The following FNBP4 variants were observed in gnomAD, a reference collection of about 807,000 sequenced individuals.
FNBP4 encodes formin binding protein 4, also known as formin-binding protein 4.
FNBP4 carries 34 observed loss-of-function variants against 119.3 expected under a neutral mutation model. The ratio of observed to expected loss-of-function variants is 0.28; its 90% CI spans 0.22 to 0.38. FNBP4 has a LOEUF of 0.38. Among genes scored for constraint, FNBP4 ranks in the 10% least tolerant of loss-of-function variants. The pLI is 1.00. For missense variants in FNBP4, 1,112 were observed against 1,228.9 expected, an observed-to-expected ratio of 0.90 and a Z score of 1.42; for synonymous variants, 462 against 430.6, an observed-to-expected ratio of 1.07 and a Z score of -0.90.
rs562514034 is a variant in FNBP4, at chr11:47,723,057, T to A, written c.2724A>T (p.Pro908=). 4.8e-4 allele frequency: 764 copies of A among 1,585,026 alleles called. 5 individuals carry two copies. The East Asian group carries it at 0.011, about 22-fold the overall frequency. The change falls in exon 15 of 17, where the codon CCA becomes CCT. Residue 908 remains proline (P), a synonymous_variant. Transcript: ENST00000263773. ...GTGGTGGAGGAGGAGGAGGAGGAGGTGGTGGTGGTGGTTCTATAATGGTAG... is the reference window on the plus strand; with the variant it reads ...GTGGTGGAGGAGGAGGAGGAGGAGGAGGTGGTGGTGGTTCTATAATGGTAG... The part of the protein sequence containing the change: ...PTATIIEPPP[P]PPPPPPPPPP...
chr11:47,729,042 G>T (rs2097564459), intron 12 of FNBP4: 9 of 402,898 alleles, frequency 2.2e-5, no homozygotes, highest in Non-Finnish European at 3.0e-5. Context: ...AGTAGAGGCA[G>T]GGTTTCACCA....
At position 47,716,908 on chromosome 11, in the gene FNBP4, G is replaced by C. The variant is rs767679403; in HGVS notation, c.*514C>G. The C allele has an allele frequency of 6.5e-6, 1 of 152,684 alleles. No homozygotes were observed. Among genetic ancestry groups the C allele is most frequent in the Non-Finnish European group, 1.5e-5 (1 of 68,182 alleles). The allele number at this position is 152,684 out of a possible 1,614,324, so 9.5% of individuals were successfully genotyped here. Reference sequence around the variant, plus strand: ...GAGCTACCAGTTCTAGAACTTATGAGAACTACTCTAAAGAGTGTGGCCATC... The same window carrying C: ...GAGCTACCAGTTCTAGAACTTATGACAACTACTCTAAAGAGTGTGGCCATC... On this transcript the variant is annotated 3_prime_UTR_variant, in exon 17 of 17. Transcript: ENST00000263773.
intron 2 of FNBP4, among the ~76,000 whole-genome samples, chr11:47,760,988 C>T (rs2097633093): frequency 6.6e-6 from 1 of 152,124 alleles, no homozygotes; most frequent in African/African-American, 2.4e-5. Flanking sequence ...TTGCTCAAAG[C>T]TTCTGGTGGC....
At chr11:47,744,215 T>C in intron 7 of FNBP4, 52 bp from the exon 8 acceptor site, 3 of 1,385,552 alleles carry the variant, frequency 2.2e-6, no homozygotes, top group Non-Finnish European at 3.1e-6. Flanking sequence ...TATTAATATG[T>C]ATAATCAGAA....
At chr11:47,733,716 C>T (rs931248453) in intron 10 of FNBP4, among the ~76,000 whole-genome samples, 1 of 152,132 alleles carries the variant, frequency 6.6e-6, no homozygotes, top group African/African-American at 2.4e-5. Context: ...GTAAAGTATG[C>T]AGGTTACAAA....
chr11:47,747,821 G>A (rs190934903), intron 6 of FNBP4, among the ~76,000 whole-genome samples: 58 of 152,160 alleles, frequency 3.8e-4, no homozygotes, highest in African/African-American at 1.3e-3. Context: ...GGCGGCGTGC[G>A]CCTGTAATCC....
intron 4 of FNBP4, 102 bp downstream of exon 4, chr11:47,752,814 A>AAAAT: frequency 9.9e-7 from 1 of 1,010,142 alleles, no homozygotes; most frequent in Non-Finnish European, 1.5e-6. Flanking sequence ...ATTCCATCTC[A>AAAAT]AAACAAACAA....
chr11:47,742,450 G>A (rs1186501677), intron 8 of FNBP4, among the ~76,000 whole-genome samples: 1 of 114,348 alleles, frequency 8.7e-6, no homozygotes, highest in Non-Finnish European at 1.7e-5. Context: ...TGCACTCCAG[G>A]CTGGGGGACA....
At chr11:47,729,514 C>T (rs2097565027) in intron 12 of FNBP4, 8 of 985,184 alleles carry the variant, frequency 8.1e-6, no homozygotes, top group South Asian at 9.4e-5. Flanking sequence ...CCCCTTCCCC[C>T]ACTTTATTTT....
intron 8 of FNBP4, 113 bp from the exon 9 acceptor site, chr11:47,736,853 C>A (rs2097574868): frequency 2.0e-6 from 2 of 1,002,704 alleles, no homozygotes; most frequent in Admixed American, 2.7e-5. Context: ...TCTCTCTTGC[C>A]TGTTTTACTT....
intron 14 of FNBP4, among the ~76,000 whole-genome samples, chr11:47,723,546 G>C (rs1413461166): frequency 6.6e-6 from 1 of 152,092 alleles, no homozygotes; most frequent in Non-Finnish European, 1.5e-5. Flanking sequence ...AGACAATCTG[G>C]AAGCATATGT....
At chr11:47,729,121 G>A in intron 12 of FNBP4, 1 of 975,940 alleles carries the variant, frequency 1.0e-6, no homozygotes, top group Non-Finnish European at 1.2e-6. Context: ...CAAAGTATTG[G>A]GATTACAGGC....
intron 2 of FNBP4, among the ~76,000 whole-genome samples, chr11:47,755,800 A>C (rs1008786420): frequency 1.6e-4 from 25 of 152,068 alleles, no homozygotes; most frequent in Admixed American, 3.3e-4. Context: ...GTCTCCAAAA[A>C]AAAAACAAAA....
At position 47,716,655 on chromosome 11, in the gene FNBP4, G is replaced by C. The variant is rs1232487532; in HGVS notation, c.*767C>G. 6.6e-6 allele frequency: 1 copy of C among 152,596 alleles called. No individual in the cohort carries two copies. The highest frequency in any genetic ancestry group is 1.9e-4 in the East Asian group (1 of 5,200). The allele number at this position is 152,596 out of a possible 1,614,324, so 9.5% of individuals were successfully genotyped here. A position where few individuals can be genotyped will look rare whatever the true frequency, so the allele number is the denominator to read the frequency against. ...ACTTTTACCTGATTGTGATACAACA[G>C]AAAGTACAGAACAGTAAACTGCTTT... On this transcript the variant is annotated 3_prime_UTR_variant, in exon 17 of 17. Coordinates refer to ENST00000263773, the MANE Select transcript of FNBP4 (RefSeq NM_015308.5).
chr11:47,742,895 A>C (rs1003013432), intron 8 of FNBP4, among the ~76,000 whole-genome samples: 2 of 152,156 alleles, frequency 1.3e-5, no homozygotes, highest in South Asian at 4.1e-4. Flanking sequence ...CGTCTCAAAA[A>C]ATATAAATAA....
At chr11:47,734,215 A>AAT in intron 9 of FNBP4, 86 bp from the exon 10 acceptor site, 1 of 677,488 alleles carries the variant, frequency 1.5e-6, no homozygotes, top group Non-Finnish European at 2.4e-6. Context: ...TCTTATAGAT[A>AAT]TTAGAAATAT....
intron 8 of FNBP4, 139 bp downstream of exon 8, chr11:47,743,814 G>T: frequency 1.3e-6 from 1 of 746,470 alleles, no homozygotes; most frequent in Non-Finnish European, 2.2e-6. Flanking sequence ...AGAGGTGGAT[G>T]GAAGCTTCCT....
intron 7 of FNBP4, among the ~76,000 whole-genome samples, chr11:47,744,626 A>G (rs956116103): frequency 1.3e-5 from 2 of 152,088 alleles, no homozygotes; most frequent in South Asian, 2.1e-4. Flanking sequence ...AAGTGTATAT[A>G]TTTATGGGAT....
At chr11:47,766,717 C>G (rs1302450224) in intron 1 of FNBP4, among the ~76,000 whole-genome samples, 2 of 152,282 alleles carry the variant, frequency 1.3e-5, no homozygotes, top group Non-Finnish European at 2.9e-5. Context: ...GGCCCACAGT[C>G]ACAGGCCGCG....
Sources: gnomAD v4.1 joint callset for allele counts (sites outside exome capture counted in the v4.1 genomes callset) on GRCh38, gnomAD v4.1.1 for gene constraint, MANE v1.5 for transcripts, NCBI Gene and HGNC (gene_info 2026-07-23, HGNC 2026-07-21) for gene names.